TNKS: variants seen among roughly 807,000 people sequenced by gnomAD.
TNKS encodes poly [ADP-ribose] polymerase tankyrase-1.
TNKS carries 72 observed loss-of-function variants against 135.8 expected under a neutral mutation model. The observed-to-expected ratio is 0.53, with a 90% CI of 0.44 to 0.64. TNKS has a LOEUF of 0.64. Ranked by LOEUF, TNKS falls within the 30% of genes least tolerant of loss-of-function variation. The pLI is 0.00. For synonymous variants in TNKS, 849 were observed against 649.3 expected, an observed-to-expected ratio of 1.31 and a Z score of -4.68; for missense variants, 1,769 against 1,674.0, an observed-to-expected ratio of 1.06 and a Z score of -0.99.
chr8:9,762,082 G>A (rs1312736535), intron 21 of TNKS, among the ~76,000 whole-genome samples: 1 of 152,096 alleles, frequency 6.6e-6, no homozygotes, highest in Admixed American at 6.5e-5. Flanking sequence ...GTTTCTTTTA[G>A]GATAGAATCA....
intron 5 of TNKS, among the ~76,000 whole-genome samples, chr8:9,703,029 C>G (rs569211614): frequency 6.6e-6 from 1 of 152,116 alleles, no homozygotes; most frequent in Non-Finnish European, 1.5e-5. Flanking sequence ...AACAAACAAA[C>G]AAAAAAGAAA....
At chr8:9,576,668 C>T (rs981482518) in intron 1 of TNKS, among the ~76,000 whole-genome samples, 2 of 152,038 alleles carry the variant, frequency 1.3e-5, no homozygotes, top group Admixed American at 1.3e-4. Context: ...GTGACCCAAT[C>T]ACTTCCCACC....
chr8:9,555,963 G>T lies in TNKS; in HGVS notation c.24G>T (p.Gln8His). MAASRRSQHHHHHHQQQL... is the reference protein window; with the variant it reads MAASRRSHHHHHHHQQQL... ...AGATGGCGGCGTCGCGTCGCTCTCA[G>T]CATCATCACCACCATCATCAACAAC... Residue 8 changes from glutamine (Q) to histidine (H), a missense_variant, in exon 1 of 27, where the codon CAG becomes CAT. Physicochemically the swap from Gln to His is conservative, Grantham distance 24. This residue lies in a region of TNKS where 450 missense variants were observed against 304.9 expected (regional missense o/e 1.48). Transcript: ENST00000310430. 6.2e-7 allele frequency: 1 copy of T among 1,613,138 alleles called. No homozygotes were observed. Among genetic ancestry groups the T allele is most frequent in the East Asian group, 2.2e-5 (1 of 44,872 alleles).
intron 2 of TNKS, among the ~76,000 whole-genome samples, chr8:9,600,459 G>C (rs1205218360): frequency 6.6e-6 from 1 of 151,958 alleles, no homozygotes; most frequent in Non-Finnish European, 1.5e-5. Context: ...GAGTACAGGT[G>C]CACACCATCA....
At chr8:9,625,906 G>A (rs1339855523) in intron 3 of TNKS, among the ~76,000 whole-genome samples, 1 of 152,152 alleles carries the variant, frequency 6.6e-6, no homozygotes, top group African/African-American at 2.4e-5. Flanking sequence ...TTCTATAAAT[G>A]CCTGTTATTA....
chr8:9,740,158 G>T (rs71516536), intron 17 of TNKS, among the ~76,000 whole-genome samples: 2 of 150,928 alleles, frequency 1.3e-5, no homozygotes, highest in Non-Finnish European at 2.9e-5. Flanking sequence ...CCTTGATGCC[G>T]TATGTCAGAA....
At chr8:9,711,073 T>C (rs1804306371) in intron 11 of TNKS, among the ~76,000 whole-genome samples, 1 of 152,098 alleles carries the variant, frequency 6.6e-6, no homozygotes, top group African/African-American at 2.4e-5. Flanking sequence ...TGACTTGAAA[T>C]TATAGATTTT....
intron 5 of TNKS, among the ~76,000 whole-genome samples, chr8:9,694,054 A>G (rs180880985): frequency 6.6e-6 from 1 of 152,318 alleles, no homozygotes; most frequent in Admixed American, 6.5e-5. Flanking sequence ...AATACACTGT[A>G]TGTCACAGTT....
In TNKS at chr8:9,641,035, AT is replaced by A. The variant is rs1194121234; in HGVS notation, c.994+25361del. Among the ~76,000 whole-genome samples, 3 of 146,012 alleles carry A rather than the reference AT, an allele frequency of 2.1e-5. 1 individual carries two copies. The East Asian group carries it at 6.3e-4, about 31-fold the overall frequency. On this transcript the variant is annotated intron_variant, in intron 3 of 26. Coordinates refer to ENST00000310430, the MANE Select transcript of TNKS (RefSeq NM_003747.3). ...CAAAGCCCAAACGCTTTAATAGATT[AT>A]TTCTAACACCCATTTAATAAGATGC... is the stretch of plus-strand genomic sequence containing the variant.
intron 17 of TNKS, chr8:9,741,798 G>A: frequency 2.1e-6 from 1 of 470,142 alleles, no homozygotes; most frequent in Non-Finnish European, 4.7e-6. Flanking sequence ...TTCCCTTGAG[G>A]CTGACTTGCT....
intron 3 of TNKS, among the ~76,000 whole-genome samples, chr8:9,677,038 G>A (rs1198798171): frequency 6.6e-6 from 1 of 152,144 alleles, no homozygotes; most frequent in Non-Finnish European, 1.5e-5. Flanking sequence ...TGGTGCTTTG[G>A]CTGTTAAGTA....
intron 3 of TNKS, among the ~76,000 whole-genome samples, chr8:9,618,531 G>C (rs1230318226): frequency 6.6e-6 from 1 of 152,156 alleles, no homozygotes; most frequent in African/African-American, 2.4e-5. Context: ...TGAAGTTCTG[G>C]TCAATAAACT....
chr8:9,715,899 T>G lies in TNKS; in HGVS notation c.1750-4475T>G, dbSNP rs75275302. Among the ~76,000 whole-genome samples the G allele has an allele frequency of 9.7e-4, 148 of 152,316 alleles. 4 individuals carry two copies. In the East Asian group the frequency reaches 0.026, roughly 27 times the overall value. On this transcript the variant is annotated intron_variant, in intron 11 of 26. Coordinates refer to ENST00000310430, the MANE Select transcript of TNKS (RefSeq NM_003747.3). Reference sequence around the variant, plus strand: ...TTATCCTTCATGTGGCAATTTTTTCTTTATTATGGTTAGTCTGCCCTGGCA... The same window carrying G: ...TTATCCTTCATGTGGCAATTTTTTCGTTATTATGGTTAGTCTGCCCTGGCA...
In TNKS at chr8:9,598,725, G is replaced by C. The variant is rs188109160; in HGVS notation, c.899-16857G>C. On this transcript the variant is annotated intron_variant, in intron 2 of 26. Coordinates refer to ENST00000310430, the MANE Select transcript of TNKS (RefSeq NM_003747.3). ...AAAATATGTGTGTGTGTGTGTGTGT[G>C]TGTGTGTGTCTGTGTGTGTATATAT... Among the ~76,000 whole-genome samples, 362 of 129,788 alleles carry C rather than the reference G, an allele frequency of 2.8e-3. 2 individuals are homozygous for C. The highest frequency in any genetic ancestry group is 4.8e-3 in the Non-Finnish European group (301 of 62,094). The allele number at this position is 129,788 out of a possible 152,430, so 85.1% of individuals were successfully genotyped here.
At chr8:9,698,982 G>A (rs1803663051) in intron 5 of TNKS, among the ~76,000 whole-genome samples, 1 of 152,086 alleles carries the variant, frequency 6.6e-6, no homozygotes, top group Non-Finnish European at 1.5e-5. Context: ...GATAGCTTTT[G>A]TATTTGTGTC....
intron 3 of TNKS, among the ~76,000 whole-genome samples, chr8:9,640,268 C>T (rs1327005428): frequency 6.6e-6 from 1 of 152,112 alleles, no homozygotes; most frequent in Non-Finnish European, 1.5e-5. Flanking sequence ...CTGGCCAGGG[C>T]CTTCTTACTG....
intron 18 of TNKS, among the ~76,000 whole-genome samples, chr8:9,751,060 G>A (rs377613898): frequency 3.0e-5 from 4 of 132,728 alleles, no homozygotes; most frequent in Admixed American, 2.4e-4. Context: ...AACCACATTC[G>A]GCGGGTAGGG....
At chr8:9,725,219 A>C (rs777820949) in intron 12 of TNKS, among the ~76,000 whole-genome samples, 7 of 152,192 alleles carry the variant, frequency 4.6e-5, no homozygotes, top group African/African-American at 1.7e-4. Flanking sequence ...CATTGACCCC[A>C]ATACATAGTG....
At chr8:9,624,556 T>C (rs2128768887) in intron 3 of TNKS, among the ~76,000 whole-genome samples, 1 of 152,356 alleles carries the variant, frequency 6.6e-6, no homozygotes, top group Admixed American at 6.5e-5. Flanking sequence ...AGCCAGGATA[T>C]TGACATTGAT....
Sources: gnomAD v4.1 joint callset for allele counts (sites outside exome capture counted in the v4.1 genomes callset) on GRCh38, gnomAD v4.1.1 for gene constraint, gnomAD v4.1.1 regional missense constraint, MANE v1.5 for transcripts, NCBI Gene and HGNC (gene_info 2026-07-23, HGNC 2026-07-21) for gene names.